Variants in PHF24 observed in about 807,000 individuals in gnomAD.
PHF24 encodes the protein Galpha inhibitory interacting protein.
In PHF24, 25 loss-of-function variants were observed where a neutral mutation model predicts 42.6. The ratio of observed to expected loss-of-function variants is 0.59; its 90% CI spans 0.43 to 0.82. The LOEUF (loss-of-function observed/expected upper bound fraction) is 0.82, where lower values mean the gene tolerates loss of function less well. Ranked by LOEUF, PHF24 falls within the 40% of genes least tolerant of loss-of-function variation. The pLI is 0.00. For synonymous variants in PHF24, 185 were observed against 204.8 expected (o/e 0.90, Z 0.83); for missense variants, 470 against 538.1 (o/e 0.87, Z 1.25).
At chr9:34,675,290 G>A in the PHF24 span, among the ~76,000 whole-genome samples, 8 of 152,152 alleles carry the variant, frequency 5.3e-5, no homozygotes, top group Admixed American at 1.3e-4. Context: ...GCCTGCAGAG[G>A]GCGTCTAGCA....
chr9:34,808,570 A>C, the PHF24 span, among the ~76,000 whole-genome samples: 1 of 152,168 alleles, frequency 6.6e-6, no homozygotes. Context: ...TATTTCTTAC[A>C]GTTCTGGAGG....
At chr9:34,704,008 G>A in the PHF24 span, among the ~76,000 whole-genome samples, 1 of 142,300 alleles carries the variant, frequency 7.0e-6, no homozygotes, top group Non-Finnish European at 1.5e-5. Flanking sequence ...ATGAGCCACG[G>A]TTCCTGGCCT....
the PHF24 span, chr9:34,727,934 C>T: frequency 1.6e-6 from 2 of 1,251,168 alleles, no homozygotes; most frequent in South Asian, 1.4e-5. Flanking sequence ...CAGCCATTAT[C>T]TTTCTCCTTA....
the PHF24 span, among the ~76,000 whole-genome samples, chr9:34,880,296 C>G: frequency 2.0e-5 from 3 of 151,640 alleles, no homozygotes; most frequent in Non-Finnish European, 2.9e-5. Context: ...CATCAACTAA[C>G]GAGCAAAATA....
the PHF24 span, among the ~76,000 whole-genome samples, chr9:34,751,025 A>G: frequency 0.045 from 6,803 of 152,300 alleles, 394 homozygotes; most frequent in African/African-American, 0.13. Flanking sequence ...ATGGGCTGAA[A>G]ATAAATGGAT....
exon 2 of PHF24, chr9:34,971,485 G>A: frequency 1.2e-6 from 2 of 1,614,220 alleles, no homozygotes; most frequent in Non-Finnish European, 8.5e-7. Flanking sequence ...GGAAGCAGAA[G>A]CAGGAACCTC....
At chr9:34,702,277 G>A in the PHF24 span, among the ~76,000 whole-genome samples, 4 of 152,308 alleles carry the variant, frequency 2.6e-5, no homozygotes, top group Non-Finnish European at 4.4e-5. Flanking sequence ...CTGTTTTCCT[G>A]TAGCAGACAG....
At chr9:34,798,439 C>A in the PHF24 span, among the ~76,000 whole-genome samples, 1 of 152,192 alleles carries the variant, frequency 6.6e-6, no homozygotes, top group Non-Finnish European at 1.5e-5. Flanking sequence ...ATGTTTAGCA[C>A]CCACTTACAA....
At chr9:34,849,873 C>G in the PHF24 span, among the ~76,000 whole-genome samples, 8 of 151,974 alleles carry the variant, frequency 5.3e-5, no homozygotes, top group South Asian at 1.7e-3. Flanking sequence ...CTTAGTTTGG[C>G]TGGATATGAA....
the PHF24 span, among the ~76,000 whole-genome samples, chr9:34,764,261 T>C: frequency 6.6e-6 from 1 of 152,226 alleles, no homozygotes; most frequent in African/African-American, 2.4e-5. Flanking sequence ...TGGAATAGTT[T>C]CAGAAGGAAT....
chr9:34,923,045 TTTTG>T, the PHF24 span: 1 of 415,458 alleles, frequency 2.4e-6, no homozygotes, highest in African/African-American at 2.5e-5. Flanking sequence ...TAAGTTTTGT[TTTTG>T]TTTTTTTTTT....
the PHF24 span, among the ~76,000 whole-genome samples, chr9:34,745,716 C>G: frequency 3.7e-3 from 556 of 150,192 alleles, 4 homozygotes; most frequent in African/African-American, 0.013. Flanking sequence ...AACTTTACCC[C>G]CCTAACAAAT....
the PHF24 span, among the ~76,000 whole-genome samples, chr9:34,797,890 T>C: frequency 6.6e-6 from 1 of 151,800 alleles, no homozygotes; most frequent in Non-Finnish European, 1.5e-5. Context: ...CCTTCCCACA[T>C]TCAGTATCAT....
chr9:34,789,663 T>A, the PHF24 span, among the ~76,000 whole-genome samples: 11 of 152,224 alleles, frequency 7.2e-5, no homozygotes, highest in Non-Finnish European at 1.2e-4. Context: ...TGTTATTGCA[T>A]GCTGGGTTTC....
the PHF24 span, among the ~76,000 whole-genome samples, chr9:34,705,786 A>G: frequency 6.6e-6 from 1 of 152,090 alleles, no homozygotes; most frequent in Non-Finnish European, 1.5e-5. Context: ...CTTTTTGGCC[A>G]AGCAGAGTGG....
At chr9:34,873,486 G>C in the PHF24 span, among the ~76,000 whole-genome samples, 83 of 151,034 alleles carry the variant, frequency 5.5e-4, no homozygotes, top group South Asian at 1.0e-3. Context: ...TCTTGTTTTT[G>C]TCAGGTTTGT....
the PHF24 span, among the ~76,000 whole-genome samples, chr9:34,949,687 G>C: frequency 6.6e-6 from 1 of 152,060 alleles, no homozygotes; most frequent in African/African-American, 2.4e-5. Context: ...GAATGAGTTC[G>C]TGTCCTTTGC....
At chr9:34,952,086 ATAAT>A in the PHF24 span, among the ~76,000 whole-genome samples, 23 of 152,390 alleles carry the variant, frequency 1.5e-4, 1 homozygote, top group East Asian at 1.3e-3. Flanking sequence ...TTGGCAAGTA[ATAAT>A]TAAAATAGTC....
chr9:34,745,934 T>G, the PHF24 span, among the ~76,000 whole-genome samples: 6 of 151,952 alleles, frequency 3.9e-5, no homozygotes, highest in East Asian at 3.9e-4. Context: ...AAAAATTACT[T>G]TAAAAACTTT....
Sources: gnomAD v4.1 joint callset for allele counts (sites outside exome capture counted in the v4.1 genomes callset) on GRCh38, gnomAD v4.1.1 for gene constraint, MANE v1.5 for transcripts, NCBI Gene and HGNC (gene_info 2026-07-23, HGNC 2026-07-21) for gene names.